Variants in GABRB1 observed in about 807,000 individuals in gnomAD.
The protein encoded by GABRB1 is gamma-aminobutyric acid type A receptor subunit beta1.
Under a neutral mutation model 51.6 loss-of-function variants are expected in GABRB1, and 17 were observed. That is an observed-to-expected ratio of 0.33 (90% CI 0.23 to 0.49). The LOEUF is 0.49. GABRB1 is among the 20% of genes least tolerant of loss of function. The probability of loss-of-function intolerance (pLI) is 0.99; values close to 1 mark genes in which losing one functional copy is unlikely to be tolerated. For synonymous variants in GABRB1, 247 were observed against 218.9 expected, an observed-to-expected ratio of 1.13 and a Z score of -1.14; for missense variants, 410 against 600.6, an observed-to-expected ratio of 0.68 and a Z score of 3.32.
intron 3 of GABRB1, among the ~76,000 whole-genome samples, chr4:47,084,727 C>A (rs1308225349): frequency 6.6e-6 from 1 of 152,080 alleles, no homozygotes; most frequent in Non-Finnish European, 1.5e-5. Flanking sequence ...GTAAGACTTA[C>A]AAGTTATTTG....
At chr4:47,382,347 G>A (rs951735179) in intron 5 of GABRB1, among the ~76,000 whole-genome samples, 3 of 152,110 alleles carry the variant, frequency 2.0e-5, no homozygotes, top group Non-Finnish European at 2.9e-5. Flanking sequence ...ACCAAAAATA[G>A]ACATTGCCAA....
intron 4 of GABRB1, among the ~76,000 whole-genome samples, chr4:47,264,804 A>G (rs1198830201): frequency 6.6e-6 from 1 of 152,180 alleles, no homozygotes; most frequent in Non-Finnish European, 1.5e-5. Context: ...CGCTTCTGCA[A>G]TCAATCTTTC....
At chr4:47,082,715 G>C (rs984287246) in intron 3 of GABRB1, among the ~76,000 whole-genome samples, 1 of 151,970 alleles carries the variant, frequency 6.6e-6, no homozygotes, top group South Asian at 2.1e-4. Flanking sequence ...GGGGTATACT[G>C]TTTCTAAAGT....
intron 4 of GABRB1, among the ~76,000 whole-genome samples, chr4:47,212,192 G>T (rs1720385059): frequency 6.6e-6 from 1 of 152,156 alleles, no homozygotes. Context: ...ATCCTCCAAG[G>T]AGAGATCTGG....
intron 3 of GABRB1, among the ~76,000 whole-genome samples, chr4:47,160,197 G>C (rs1717877217): frequency 6.6e-6 from 1 of 152,000 alleles, no homozygotes; most frequent in South Asian, 2.1e-4. Context: ...AAAGTTCAGG[G>C]GGATATCCTC....
At chr4:47,216,128 A>G (rs1000705410) in intron 4 of GABRB1, among the ~76,000 whole-genome samples, 1 of 152,034 alleles carries the variant, frequency 6.6e-6, no homozygotes, top group African/African-American at 2.4e-5. Flanking sequence ...TAAGAAGAGA[A>G]CTTACAACGT....
At chr4:47,384,190 C>A (rs1397321761) in intron 5 of GABRB1, among the ~76,000 whole-genome samples, 2 of 151,922 alleles carry the variant, frequency 1.3e-5, no homozygotes, top group Non-Finnish European at 2.9e-5. Context: ...TCATAGATAA[C>A]CACTATTAAC....
intron 5 of GABRB1, among the ~76,000 whole-genome samples, chr4:47,400,785 C>A (rs1035885006): frequency 1.3e-5 from 2 of 152,126 alleles, no homozygotes; most frequent in African/African-American, 4.8e-5. Flanking sequence ...TTTGCCTACC[C>A]ATAGCTTAGC....
intron 4 of GABRB1, among the ~76,000 whole-genome samples, chr4:47,253,085 A>C (rs1438676066): frequency 3.3e-5 from 5 of 152,332 alleles, no homozygotes. Context: ...AAAGAGGCTA[A>C]ATAGCCTGCC....
chr4:47,025,566 T>C (rs541438479), intron 1 of GABRB1, among the ~76,000 whole-genome samples: 1 of 152,098 alleles, frequency 6.6e-6, no homozygotes, highest in South Asian at 2.1e-4. Context: ...TGTCATATTC[T>C]CAGTCCAGGT....
chr4:47,246,339 T>C (rs1035602880), intron 4 of GABRB1, among the ~76,000 whole-genome samples: 11 of 3,274 alleles, frequency 3.4e-3, no homozygotes, highest in Non-Finnish European at 5.3e-3. Context: ...CATATGTACA[T>C]ATATATATAT....
At chr4:47,161,042 C>T (rs1717930601) in intron 3 of GABRB1, among the ~76,000 whole-genome samples, 1 of 151,942 alleles carries the variant, frequency 6.6e-6, no homozygotes, top group Non-Finnish European at 1.5e-5. Flanking sequence ...ATTCTCCTGC[C>T]TTGGCCTCCC....
intron 1 of GABRB1, among the ~76,000 whole-genome samples, chr4:47,012,842 C>T (rs1724622131): frequency 6.6e-6 from 1 of 152,162 alleles, no homozygotes; most frequent in Admixed American, 6.5e-5. Context: ...TAACCTATGA[C>T]ATTTCTTTTC....
intron 3 of GABRB1, among the ~76,000 whole-genome samples, chr4:47,040,109 C>T (rs1725773531): frequency 6.6e-6 from 1 of 152,114 alleles, no homozygotes. Flanking sequence ...TATGTGTCCT[C>T]CACTTTCATT....
intron 5 of GABRB1, among the ~76,000 whole-genome samples, chr4:47,367,632 T>C (rs938186871): frequency 1.3e-5 from 2 of 152,256 alleles, no homozygotes; most frequent in Non-Finnish European, 2.9e-5. Context: ...CTGTCCCGTG[T>C]GGCAGCTCTT....
chr4:47,316,223 C>T (rs1578088856), intron 4 of GABRB1, among the ~76,000 whole-genome samples: 1 of 151,772 alleles, frequency 6.6e-6, no homozygotes, highest in Middle Eastern at 3.4e-3. Context: ...ATACTATATG[C>T]TTATTTTTCC....
chr4:47,030,791 C>T (rs1725264593), upstream of GABRB1, among the ~76,000 whole-genome samples: 1 of 152,136 alleles, frequency 6.6e-6, no homozygotes, highest in Admixed American at 6.5e-5. Context: ...ACCTTAAATG[C>T]TGTCAATTTA....
chr4:47,226,425 C>T (rs905715241), intron 4 of GABRB1, among the ~76,000 whole-genome samples: 1 of 152,032 alleles, frequency 6.6e-6, no homozygotes, highest in Admixed American at 6.6e-5. Context: ...CTGGGGTGGG[C>T]ACTAGGAACA....
chr4:47,272,087 T>C (rs1722895517), intron 4 of GABRB1, among the ~76,000 whole-genome samples: 2 of 152,198 alleles, frequency 1.3e-5, no homozygotes, highest in Non-Finnish European at 2.9e-5. Flanking sequence ...TTCCTCTCTT[T>C]TGGAAAGTTA....
Sources: gnomAD v4.1 joint callset for allele counts (sites outside exome capture counted in the v4.1 genomes callset) on GRCh38, gnomAD v4.1.1 for gene constraint, MANE v1.5 for transcripts, NCBI Gene and HGNC (gene_info 2026-07-23, HGNC 2026-07-21) for gene names.